The following NELL1 variants were observed in gnomAD, a reference collection of about 807,000 sequenced individuals.
NELL1 encodes the protein protein kinase C-binding protein NELL1.
Under a neutral mutation model 107.4 loss-of-function variants are expected in NELL1, and 76 were observed. The observed-to-expected ratio is 0.71, with a 90% CI of 0.59 to 0.86. The LOEUF (loss-of-function observed/expected upper bound fraction) is 0.86, where lower values mean the gene tolerates loss of function less well. Among genes scored for constraint, NELL1 ranks in the 40% least tolerant of loss-of-function variants. The pLI, the probability that NELL1 is intolerant of heterozygous loss-of-function variation, is 0.00. For missense variants in NELL1, 1,024 were observed against 1,005.5 expected (o/e 1.02, Z -0.25); for synonymous variants, 353 against 341.2 (o/e 1.03, Z -0.38).
chr11:21,195,963 G>A (rs1857143557), intron 13 of NELL1, among the ~76,000 whole-genome samples: 1 of 152,196 alleles, frequency 6.6e-6, no homozygotes, highest in South Asian at 2.1e-4. Context: ...GGATTTTCCT[G>A]AAGAACGAAG....
chr11:21,029,922 G>A (rs770827198), intron 12 of NELL1, among the ~76,000 whole-genome samples: 45 of 152,252 alleles, frequency 3.0e-4, no homozygotes, highest in Admixed American at 7.2e-4. Context: ...CATTATACCT[G>A]AAAACAAGAT....
intron 12 of NELL1, among the ~76,000 whole-genome samples, chr11:21,019,852 C>T (rs528349175): frequency 6.6e-6 from 1 of 152,098 alleles, no homozygotes; most frequent in Admixed American, 6.6e-5. Context: ...CCTGGGCCCA[C>T]CTGAATTCTG....
intron 14 of NELL1, among the ~76,000 whole-genome samples, chr11:21,293,659 T>C (rs1303545012): frequency 6.6e-6 from 1 of 152,124 alleles, no homozygotes; most frequent in Non-Finnish European, 1.5e-5. Context: ...CTGTCCACAA[T>C]AGCAAAGACT....
At chr11:21,082,054 G>A (rs1854282035) in intron 12 of NELL1, among the ~76,000 whole-genome samples, 1 of 152,074 alleles carries the variant, frequency 6.6e-6, no homozygotes, top group Admixed American at 6.6e-5. Flanking sequence ...TTGAACTATT[G>A]TAGCTTAATA....
chr11:20,780,152 A>AT (rs2133978896), intron 2 of NELL1, among the ~76,000 whole-genome samples: 1 of 152,316 alleles, frequency 6.6e-6, no homozygotes, highest in African/African-American at 2.4e-5. Context: ...TGTGCCAATC[A>AT]TTTTTAAAAA....
At chr11:21,374,015 A>T (rs1055960408) in intron 15 of NELL1, among the ~76,000 whole-genome samples, 1 of 152,086 alleles carries the variant, frequency 6.6e-6, no homozygotes, top group Non-Finnish European at 1.5e-5. Flanking sequence ...GTAGCCACCT[A>T]CAAAACAGCA....
At chr11:21,486,761 C>T (rs531354378) in intron 15 of NELL1, among the ~76,000 whole-genome samples, 19 of 151,604 alleles carry the variant, frequency 1.3e-4, no homozygotes, top group Non-Finnish European at 2.7e-4. Flanking sequence ...TAAAAATTAC[C>T]AAAGGGATGG....
chr11:21,103,008 TCTAC>T (rs1312019123), intron 12 of NELL1, among the ~76,000 whole-genome samples: 1 of 152,198 alleles, frequency 6.6e-6, no homozygotes, highest in Non-Finnish European at 1.5e-5. Flanking sequence ...CTAAGGACTC[TCTAC>T]ATGGCGAAAT....
At chr11:20,894,992 C>CTTCTCTTCAT (rs1849695070) in intron 5 of NELL1, among the ~76,000 whole-genome samples, 1 of 150,962 alleles carries the variant, frequency 6.6e-6, no homozygotes, top group African/African-American at 2.5e-5. Flanking sequence ...TTCCCTCTGG[C>CTTCTCTTCAT]CGGGCGCGGT....
At chr11:21,201,717 G>A (rs1388342945) in intron 13 of NELL1, among the ~76,000 whole-genome samples, 1 of 152,122 alleles carries the variant, frequency 6.6e-6, no homozygotes, top group Non-Finnish European at 1.5e-5. Context: ...TTTTCAAAGG[G>A]AATGCTTCCA....
At chr11:20,838,485 G>A (rs953928611) in intron 3 of NELL1, among the ~76,000 whole-genome samples, 2 of 151,744 alleles carry the variant, frequency 1.3e-5, no homozygotes, top group African/African-American at 4.8e-5. Context: ...CTCTATTTTT[G>A]TAATTTTCTG....
intron 2 of NELL1, among the ~76,000 whole-genome samples, chr11:20,724,384 A>G (rs1181810869): frequency 6.6e-6 from 1 of 152,150 alleles, no homozygotes; most frequent in Non-Finnish European, 1.5e-5. Context: ...TCTCTTCGTG[A>G]GCATATATAA....
At chr11:21,060,467 T>TTG (rs1242905716) in intron 12 of NELL1, among the ~76,000 whole-genome samples, 1 of 152,140 alleles carries the variant, frequency 6.6e-6, no homozygotes, top group Non-Finnish European at 1.5e-5. Flanking sequence ...GGGATTGTCT[T>TTG]TGTGTGTGTG....
intron 15 of NELL1, among the ~76,000 whole-genome samples, chr11:21,501,538 A>G (rs1855142071): frequency 6.6e-6 from 1 of 152,166 alleles, no homozygotes; most frequent in Non-Finnish European, 1.5e-5. Flanking sequence ...AGGAGACCTC[A>G]TTATTTGAGT....
intron 13 of NELL1, among the ~76,000 whole-genome samples, chr11:21,177,844 A>C (rs1032220507): frequency 6.6e-6 from 1 of 151,576 alleles, no homozygotes; most frequent in Non-Finnish European, 1.5e-5. Flanking sequence ...TTGTGATTTT[A>C]ATTTGTATTT....
chr11:21,121,358 T>C (rs935152759), intron 13 of NELL1, among the ~76,000 whole-genome samples: 3 of 152,144 alleles, frequency 2.0e-5, no homozygotes, highest in African/African-American at 7.2e-5. Context: ...AGCTGCACTC[T>C]GAGATGTATA....
intron 12 of NELL1, among the ~76,000 whole-genome samples, chr11:20,969,426 G>A (rs530140442): frequency 6.6e-6 from 1 of 152,284 alleles, no homozygotes; most frequent in South Asian, 2.1e-4. Context: ...ATTCTTTAAA[G>A]AGGATGCTTT....
chr11:21,471,009 C>T (rs988469458), intron 15 of NELL1, among the ~76,000 whole-genome samples: 2 of 151,924 alleles, frequency 1.3e-5, no homozygotes, highest in South Asian at 2.1e-4. Context: ...GTCATCAATC[C>T]TTATCATCAT....
chr11:21,203,783 G>C (rs1328994008), intron 13 of NELL1, among the ~76,000 whole-genome samples: 1 of 152,040 alleles, frequency 6.6e-6, no homozygotes, highest in Admixed American at 6.6e-5. Context: ...CTTCCTTCAG[G>C]AACTCTTGTA....
Sources: allele counts gnomAD v4.1 joint callset (sites outside exome capture counted in the v4.1 genomes callset), GRCh38; gene constraint gnomAD v4.1.1; transcripts MANE v1.5; gene names NCBI Gene and HGNC (gene_info 2026-07-23, HGNC 2026-07-21).